The following GRID2 variants were observed in gnomAD, a reference collection of about 807,000 sequenced individuals.
GRID2 encodes glutamate ionotropic receptor delta type subunit 2, also known as glutamate receptor ionotropic, delta-2.
A neutral mutation model predicts 114.8 loss-of-function variants in GRID2; 33 were observed. The ratio of observed to expected loss-of-function variants is 0.29; its 90% CI spans 0.22 to 0.38. The LOEUF (loss-of-function observed/expected upper bound fraction) is 0.38. Ranked by LOEUF, GRID2 falls within the 10% of genes least tolerant of loss-of-function variation. The pLI, the probability that GRID2 is intolerant of heterozygous loss-of-function variation, is 1.00. For missense variants in GRID2, 1,184 were observed against 1,257.7 expected (o/e 0.94, Z 0.89); for synonymous variants, 505 against 449.9 (o/e 1.12, Z -1.55).
intron 14 of GRID2, among the ~76,000 whole-genome samples, chr4:93,656,243 G>T (rs1299343736): frequency 6.6e-6 from 1 of 151,698 alleles, no homozygotes; most frequent in Non-Finnish European, 1.5e-5. Flanking sequence ...TAATGTATTA[G>T]AACAGATAAA....
intron 8 of GRID2, among the ~76,000 whole-genome samples, chr4:93,295,610 C>A (rs76150945): frequency 1.3e-5 from 2 of 151,830 alleles, no homozygotes; most frequent in Non-Finnish European, 2.9e-5. Flanking sequence ...CTCCTCTCCC[C>A]GCTCCTCCTC....
intron 1 of GRID2, among the ~76,000 whole-genome samples, chr4:92,511,816 A>C (rs1482189021): frequency 6.6e-6 from 1 of 151,848 alleles, no homozygotes; most frequent in African/African-American, 2.4e-5. Context: ...AATAAAATAC[A>C]CATAATGTAA....
In GRID2 at chr4:92,612,438, C is replaced by G. The variant is rs558212428; in HGVS notation, c.244+22152C>G. Among the ~76,000 whole-genome samples, 119 of 151,442 alleles carry G rather than the reference C, an allele frequency of 7.9e-4. 1 individual carries two copies. The highest frequency in any genetic ancestry group is 2.9e-3 in the African/African-American group (119 of 41,408). On this transcript the variant is annotated intron_variant, in intron 2 of 15. Coordinates refer to ENST00000282020, the MANE Select transcript of GRID2 (RefSeq NM_001510.4). ...GACTTATTTTTGGTTATTGAGTTCT[C>G]CTTGTTTTCATATAAATATTGGTGT...
At chr4:92,892,219 A>G (rs575622166) in intron 2 of GRID2, among the ~76,000 whole-genome samples, 18 of 152,100 alleles carry the variant, frequency 1.2e-4, no homozygotes, top group African/African-American at 4.1e-4. Context: ...ACCTGCCACC[A>G]CACCCAGCTA....
rs1412383034 is a variant in GRID2 at position 92,557,209 on chromosome 4, T to G, written c.89-32922T>G. On this transcript the variant is annotated intron_variant, in intron 1 of 15. Coordinates refer to ENST00000282020, the MANE Select transcript of GRID2 (RefSeq NM_001510.4). Reference sequence around the variant, plus strand: ...TATATAGCTTTTACTATTTTTTAAATGCAAAAATTCATTTGTTTCCTACAC... The same window carrying G: ...TATATAGCTTTTACTATTTTTTAAAGGCAAAAATTCATTTGTTTCCTACAC... Among the ~76,000 whole-genome samples the G allele has an allele frequency of 4.6e-5, 7 of 152,062 alleles. 1 individual carries two copies. The highest frequency in any genetic ancestry group is 7.4e-5 in the Non-Finnish European group (5 of 67,990).
At chr4:93,599,735 G>A (rs1226171823) in intron 13 of GRID2, among the ~76,000 whole-genome samples, 2 of 152,176 alleles carry the variant, frequency 1.3e-5, no homozygotes, top group Non-Finnish European at 2.9e-5. Flanking sequence ...ACTGCACAAG[G>A]AAAGAGTCGC....
intron 1 of GRID2, among the ~76,000 whole-genome samples, chr4:92,583,925 A>ATG (rs1560472416): frequency 3.4e-5 from 5 of 148,412 alleles, no homozygotes; most frequent in African/African-American, 1.3e-4. Context: ...ACATATATGT[A>ATG]TATATATATA....
intron 9 of GRID2, among the ~76,000 whole-genome samples, chr4:93,402,757 T>C (rs1766020083): frequency 6.6e-6 from 1 of 151,872 alleles, no homozygotes; most frequent in Non-Finnish European, 1.5e-5. Context: ...TATCTAGAAG[T>C]TTATATATCA....
chr4:93,214,742 G>T (rs1330811909), intron 5 of GRID2, among the ~76,000 whole-genome samples: 1 of 151,918 alleles, frequency 6.6e-6, no homozygotes, highest in African/African-American at 2.4e-5. Context: ...TTCCCTTTTT[G>T]TGGGTTTGAA....
intron 14 of GRID2, among the ~76,000 whole-genome samples, chr4:93,722,630 G>A (rs927431184): frequency 3.8e-4 from 58 of 152,030 alleles, no homozygotes; most frequent in African/African-American, 1.3e-3. Context: ...GTTGGCCTTG[G>A]CCTCCCACTT....
At chr4:93,032,734 C>A (rs980337645) in intron 2 of GRID2, among the ~76,000 whole-genome samples, 8 of 152,102 alleles carry the variant, frequency 5.3e-5, no homozygotes, top group African/African-American at 1.9e-4. Context: ...AAACAATTAT[C>A]ATATTTAGGC....
At chr4:93,326,529 T>G (rs1394694736) in intron 8 of GRID2, among the ~76,000 whole-genome samples, 1 of 151,442 alleles carries the variant, frequency 6.6e-6, no homozygotes, top group Admixed American at 6.6e-5. Flanking sequence ...AGAAGGAGAG[T>G]AAACTTCTCC....
intron 13 of GRID2, among the ~76,000 whole-genome samples, chr4:93,520,873 C>T (rs1023838338): frequency 3.9e-5 from 6 of 151,986 alleles, no homozygotes; most frequent in South Asian, 2.1e-4. Flanking sequence ...AGAAGAGTGA[C>T]GCAACATAAC....
intron 2 of GRID2, among the ~76,000 whole-genome samples, chr4:92,828,384 G>A (rs940038875): frequency 6.6e-6 from 1 of 152,018 alleles, no homozygotes; most frequent in African/African-American, 2.4e-5. Flanking sequence ...AATTGGATTA[G>A]GTAGGGACTT....
chr4:92,469,761 AT>A (rs996567479), intron 1 of GRID2, among the ~76,000 whole-genome samples: 5 of 151,414 alleles, frequency 3.3e-5, no homozygotes, highest in East Asian at 1.9e-4. Context: ...AAGTTTCATA[AT>A]TTTTTTTTCT....
chr4:93,355,865 A>C (rs1761285853), intron 8 of GRID2, among the ~76,000 whole-genome samples: 1 of 152,050 alleles, frequency 6.6e-6, no homozygotes, highest in Non-Finnish European at 1.5e-5. Context: ...AGAATGCAAG[A>C]AAGTATGATC....
At chr4:93,660,584 ATG>A (rs943111454) in intron 14 of GRID2, among the ~76,000 whole-genome samples, 1 of 120,426 alleles carries the variant, frequency 8.3e-6, no homozygotes, top group Non-Finnish European at 1.6e-5. Context: ...CCCCCACAAC[ATG>A]TGAGTAAAAA....
At chr4:92,859,283 AT>A (rs1437723470) in intron 2 of GRID2, among the ~76,000 whole-genome samples, 2 of 152,176 alleles carry the variant, frequency 1.3e-5, no homozygotes, top group Non-Finnish European at 2.9e-5. Flanking sequence ...GCAATAAAGA[AT>A]TTTTTAAATT....
chr4:92,441,692 G>A (rs1009989122), intron 1 of GRID2, among the ~76,000 whole-genome samples: 9 of 152,024 alleles, frequency 5.9e-5, no homozygotes, highest in East Asian at 1.9e-4. Context: ...TTTTTAAAGC[G>A]TGCTGAGGGA....
Sources: allele counts gnomAD v4.1 joint callset (sites outside exome capture counted in the v4.1 genomes callset), GRCh38; gene constraint gnomAD v4.1.1; transcripts MANE v1.5; gene names NCBI Gene and HGNC (gene_info 2026-07-23, HGNC 2026-07-21).